BSN: variants seen among roughly 807,000 people sequenced by gnomAD.
The protein encoded by BSN is protein bassoon.
In BSN, 57 loss-of-function variants were observed where a neutral mutation model predicts 264.8. The ratio of observed to expected loss-of-function variants is 0.22; its 90% confidence interval spans 0.17 to 0.27. BSN has a LOEUF of 0.27. BSN is among the 10% of genes least tolerant of loss of function. The pLI, the probability that BSN is intolerant of heterozygous loss-of-function variation, is 1.00. For missense variants in BSN, 4,615 were observed against 5,232.5 expected, an observed-to-expected ratio of 0.88 and a Z score of 3.64; for synonymous variants, 2,059 against 2,137.3, an observed-to-expected ratio of 0.96 and a Z score of 1.01.
At position 49,657,875 on chromosome 3, in the gene BSN, C is replaced by T; in HGVS notation, c.8319C>T (p.His2773=). The part of the protein sequence containing the change: ...PDPLEIGYQA[H]LPPESLSQLV... The stretch of plus-strand genomic sequence containing the variant: ...CCCTGGAGATTGGGTACCAGGCCCA[C>T]CTGCCTCCGGAGTCTCTCTCACAGC... The change falls in exon 5 of 12, where the codon CAC becomes CAT. Residue 2773 remains histidine (H), a synonymous_variant. Transcript: ENST00000296452. 6.2e-7 allele frequency: 1 copy of T among 1,613,612 alleles called. No homozygotes were observed. Among genetic ancestry groups the T allele is most frequent in the Non-Finnish European group, 8.5e-7 (1 of 1,179,924 alleles).
At chr3:49,658,327 C>CA in intron 5 of BSN, 131 bp downstream of exon 5, 8 of 1,137,488 alleles carry the variant, frequency 7.0e-6, no homozygotes, top group Non-Finnish European at 7.1e-6. Context: ...GGGAAAGAGT[C>CA]AATGAGCAGA....
chr3:49,646,533 C>T (rs1022432920), intron 3 of BSN, among the ~76,000 whole-genome samples: 1 of 152,204 alleles, frequency 6.6e-6, no homozygotes, highest in African/African-American at 2.4e-5. Flanking sequence ...TGTTGCCTCC[C>T]ATGTAGAATA....
rs1167037841 is a variant in BSN, at chr3:49,661,897, C to T, written c.10052C>T (p.Ala3351Val). 6.2e-7 allele frequency: 1 copy of T among 1,613,670 alleles called. No homozygotes were observed. The highest frequency in any genetic ancestry group is 1.3e-5 in the African/African-American group (1 of 74,948). Residue 3351 changes from alanine (A) to valine (V), a missense_variant, in exon 6 of 12, where the codon GCT becomes GTT. Transcript: ENST00000296452. ...CATCCCTCCAAGAGCCTGGCTCCAG[C>T]TGCCATCTCCTCAAAGCGCAGCAAG... is the stretch of plus-strand genomic sequence containing the variant. ...PKHPSKSLAP[A>V]AISSKRSKHR...
intron 3 of BSN, among the ~76,000 whole-genome samples, chr3:49,647,216 C>G (rs1304139378): frequency 6.6e-6 from 1 of 152,208 alleles, no homozygotes; most frequent in Non-Finnish European, 1.5e-5. Context: ...GCTCACAAGG[C>G]ACAATGGCCA....
At position 49,652,247 on chromosome 3, in the gene BSN, G is replaced by T; in HGVS notation, c.2691G>T (p.Leu897=). Residue 897 remains leucine, a synonymous_variant, in exon 5 of 12, where the codon CTG becomes CTT. Coordinates refer to ENST00000296452, the MANE Select transcript of BSN (RefSeq NM_003458.4). ...CAGCAGCACTGCCCAAGAGGCGCCT[G>T]CCCCACAATGCCACCACGGGCTATG... is the stretch of plus-strand genomic sequence containing the variant. ...QEPAALPKRR[L]PHNATTGYEE... 6.2e-7 allele frequency: 1 copy of T among 1,604,692 alleles called. No homozygotes were observed. Among genetic ancestry groups the T allele is most frequent in the Non-Finnish European group, 8.5e-7 (1 of 1,174,714 alleles).
At chr3:49,596,436 T>G (rs1314400290) in intron 1 of BSN, among the ~76,000 whole-genome samples, 1 of 152,168 alleles carries the variant, frequency 6.6e-6, no homozygotes, top group Non-Finnish European at 1.5e-5. Context: ...TGGCTATAGT[T>G]TTTTTGTATG....
At chr3:49,574,248 G>A (rs1462572659) in intron 1 of BSN, among the ~76,000 whole-genome samples, 2 of 150,994 alleles carry the variant, frequency 1.3e-5, no homozygotes, top group East Asian at 1.9e-4. Context: ...GATTATAGGC[G>A]TGAGCCACTG....
chr3:49,583,947 C>G (rs966806708), intron 1 of BSN, among the ~76,000 whole-genome samples: 2 of 152,172 alleles, frequency 1.3e-5, no homozygotes, highest in Non-Finnish European at 2.9e-5. Context: ...GATCTCGGCT[C>G]ACTGCAAGCT....
chr3:49,566,032 C>T (rs1466145730), intron 1 of BSN, among the ~76,000 whole-genome samples: 1 of 152,112 alleles, frequency 6.6e-6, no homozygotes, highest in East Asian at 1.9e-4. Flanking sequence ...GCCATGTTGG[C>T]CAGGCTGGTC....
Position 49,664,857 on chromosome 3 carries a change from A to T in BSN, c.*14+4A>T. On this transcript the variant is annotated splice_donor_region_variant and intron_variant, in intron 10 of 11. Coordinates refer to ENST00000296452, the MANE Select transcript of BSN (RefSeq NM_003458.4). ...TCTGGTGACCATGCCCAGCATGGTG[A>T]GTACAAGCAGCCTGTACCTTGCCTC... 6.2e-7 allele frequency: 1 copy of T among 1,604,196 alleles called. No individual in the cohort carries two copies. Among genetic ancestry groups the T allele is most frequent in the Non-Finnish European group, 8.5e-7 (1 of 1,173,698 alleles).
Position 49,634,223 on chromosome 3 carries a change from G to C in BSN, c.634-8045G>C, listed in dbSNP as rs1176417419. Among the ~76,000 whole-genome samples the C allele has an allele frequency of 2.7e-5, 4 of 150,544 alleles. No individual in the cohort carries two copies. In the East Asian group the frequency reaches 7.8e-4, roughly 29 times the overall value. On this transcript the variant is annotated intron_variant, in intron 2 of 11. Coordinates refer to ENST00000296452, the MANE Select transcript of BSN (RefSeq NM_003458.4). ...CTCTGCCTTTAAAAAAAAAAAAAAAGAGCTGGAGGAAGGGGGAATGGGGAG... is the reference window on the plus strand; with the variant it reads ...CTCTGCCTTTAAAAAAAAAAAAAAACAGCTGGAGGAAGGGGGAATGGGGAG...
At chr3:49,582,373 A>T (rs1292002402) in intron 1 of BSN, among the ~76,000 whole-genome samples, 1 of 152,172 alleles carries the variant, frequency 6.6e-6, no homozygotes, top group Non-Finnish European at 1.5e-5. Context: ...TTACATTTGC[A>T]GTCATAACAC....
chr3:49,624,316 T>TTTTTTTTTTTTTTG (rs1341994118), intron 1 of BSN, among the ~76,000 whole-genome samples: 1 of 143,596 alleles, frequency 7.0e-6, no homozygotes, highest in Non-Finnish European at 1.5e-5. Flanking sequence ...TTTTTTTTTT[T>TTTTTTTTTTTTTTG]TAGACAGGGT....
chr3:49,609,042 C>T (rs2052182036), intron 1 of BSN, among the ~76,000 whole-genome samples: 2 of 151,018 alleles, frequency 1.3e-5, no homozygotes, highest in African/African-American at 2.4e-5. Flanking sequence ...CTGGTGAGGG[C>T]CCATAGACGG....
chr3:49,662,348 C>T lies in BSN; in HGVS notation c.10503C>T (p.Ala3501=). 1.2e-6 allele frequency: 2 copies of T among 1,613,582 alleles called. No individual in the cohort carries two copies. The highest frequency in any genetic ancestry group is 3.3e-5 in the Admixed American group (2 of 60,020). Residue 3501 remains alanine, a synonymous_variant, in exon 6 of 12, where the codon GCC becomes GCT. Transcript: ENST00000296452. ...SRVRPPMRSQ[A]SEEESPVSPL... is the part of the protein sequence containing the mutation. ...TACGACCCCCCATGCGGAGCCAGGCCTCTGAAGAGGAGAGCCCCGTCAGTC... is the reference window on the plus strand; with the variant it reads ...TACGACCCCCCATGCGGAGCCAGGCTTCTGAAGAGGAGAGCCCCGTCAGTC...
chr3:49,610,595 A>AAAC (rs1553662610), intron 1 of BSN, among the ~76,000 whole-genome samples: 2 of 151,534 alleles, frequency 1.3e-5, no homozygotes, highest in African/African-American at 2.4e-5. Flanking sequence ...AAAAAAAAAA[A>AAAC]AAAAAAAAAA....
At chr3:49,650,565 C>T in intron 3 of BSN, 47 bp from the exon 4 acceptor site, 3 of 1,492,146 alleles carry the variant, frequency 2.0e-6, no homozygotes, top group Non-Finnish European at 2.7e-6. Context: ...TTGAGGACTT[C>T]AGTGTCTTTT....
chr3:49,642,643 G>T lies in BSN; in HGVS notation c.1009G>T (p.Gly337Cys). ...KSATAVPAGLGATEQTQEGLT... is the reference protein window; with the variant it reads ...KSATAVPAGLCATEQTQEGLT... The stretch of plus-strand genomic sequence containing the variant: ...TGCCACCGCAGTGCCCGCTGGGCTT[G>T]GTGCCACTGAGCAGACCCAGGAGGG... Residue 337 changes from glycine (G) to cysteine (C), a missense_variant, in exon 3 of 12, where the codon GGT becomes TGT. By Grantham distance (159) the Gly-to-Cys change is radical. Around this residue, in one of 3 missense-constraint regions of BSN, gnomAD observed 1,197 missense variants for 1,348.0 expected, o/e 0.89. Coordinates refer to ENST00000296452, the MANE Select transcript of BSN (RefSeq NM_003458.4). This position sits in a 1 kb window ranked among gnomAD's most constrained non-coding sequence, Gnocchi z 7.0. 3.7e-6 allele frequency: 6 copies of T among 1,603,292 alleles called. 1 individual carries two copies. The South Asian group carries it at 6.7e-5, about 18-fold the overall frequency.
chr3:49,633,393 A>T (rs1476701719), intron 2 of BSN, among the ~76,000 whole-genome samples: 1 of 152,152 alleles, frequency 6.6e-6, no homozygotes, highest in Non-Finnish European at 1.5e-5. Context: ...ACCATCTCAT[A>T]CTCGTTAAGG....
Sources: gnomAD v4.1 joint callset for allele counts (sites outside exome capture counted in the v4.1 genomes callset) on GRCh38, gnomAD v4.1.1 for gene constraint, gnomAD v4.1.1 regional missense constraint, Gnocchi (gnomAD v3.1) non-coding constraint, MANE v1.5 for transcripts, NCBI Gene and HGNC (gene_info 2026-07-23, HGNC 2026-07-21) for gene names.